The following ROBO2 variants were observed in gnomAD, a reference collection of about 807,000 sequenced individuals.
ROBO2 encodes roundabout homolog 2.
ROBO2 carries 53 observed loss-of-function variants against 160.8 expected under a neutral mutation model. That is an observed-to-expected ratio of 0.33 (90% CI 0.26 to 0.41). The LOEUF (loss-of-function observed/expected upper bound fraction) is 0.41, where lower values mean the gene tolerates loss of function less well. Ranked by LOEUF, ROBO2 falls within the 10% of genes least tolerant of loss-of-function variation. The pLI is 1.00. For synonymous variants in ROBO2, 664 were observed against 611.7 expected, an observed-to-expected ratio of 1.09 and a Z score of -1.26; for missense variants, 1,577 against 1,722.4, an observed-to-expected ratio of 0.92 and a Z score of 1.49.
At chr3:77,175,471 C>T (rs1308999182) in intron 2 of ROBO2, among the ~76,000 whole-genome samples, 7 of 151,866 alleles carry the variant, frequency 4.6e-5, no homozygotes, top group East Asian at 1.9e-4. Flanking sequence ...AATTGGCACA[C>T]GATGAGGAAT....
At chr3:76,376,628 T>C (rs151008764) in intron 2 of ROBO2, among the ~76,000 whole-genome samples, 3 of 151,308 alleles carry the variant, frequency 2.0e-5, no homozygotes, top group African/African-American at 7.4e-5. Context: ...GCAATGGCTT[T>C]TGTGAAAAGA....
At chr3:77,359,416 G>C (rs185901489) in intron 2 of ROBO2, among the ~76,000 whole-genome samples, 3 of 152,306 alleles carry the variant, frequency 2.0e-5, no homozygotes, top group Admixed American at 2.0e-4. Flanking sequence ...GTATGTGTCT[G>C]TCCTTTTAGG....
intron 2 of ROBO2, among the ~76,000 whole-genome samples, chr3:77,157,653 T>G (rs2078132395): frequency 6.6e-6 from 1 of 152,100 alleles, no homozygotes. Context: ...TTTGGTATGC[T>G]GACCATAAAT....
At chr3:76,860,733 T>TAG (rs2148612748) in intron 2 of ROBO2, among the ~76,000 whole-genome samples, 1 of 152,056 alleles carries the variant, frequency 6.6e-6, no homozygotes, top group East Asian at 1.9e-4. Context: ...TTACTATATA[T>TAG]AATCATACTT....
chr3:77,255,308 G>T (rs2090802986), intron 2 of ROBO2, among the ~76,000 whole-genome samples: 1 of 152,150 alleles, frequency 6.6e-6, no homozygotes, highest in South Asian at 2.1e-4. Context: ...CATAAAATCA[G>T]CATTCTGTAA....
chr3:76,490,206 G>T (rs1435859787), intron 2 of ROBO2, among the ~76,000 whole-genome samples: 1 of 152,086 alleles, frequency 6.6e-6, no homozygotes, highest in African/African-American at 2.4e-5. Flanking sequence ...CTAAAGGATG[G>T]ATCCCCATCA....
At chr3:76,276,610 A>G (rs899296897) in intron 2 of ROBO2, among the ~76,000 whole-genome samples, 1 of 152,044 alleles carries the variant, frequency 6.6e-6, no homozygotes, top group Non-Finnish European at 1.5e-5. Flanking sequence ...TATCATTTCT[A>G]TAATCTATTT....
intron 2 of ROBO2, chr3:76,311,425 A>G (rs925949048): frequency 6.6e-6 from 1 of 152,204 alleles, no homozygotes; most frequent in Non-Finnish European, 1.5e-5. Flanking sequence ...GGGGTAAGTG[A>G]TGAAAGTTTC....
chr3:76,216,456 T>C (rs1269659680), intron 2 of ROBO2, among the ~76,000 whole-genome samples: 1 of 152,082 alleles, frequency 6.6e-6, no homozygotes, highest in African/African-American at 2.4e-5. Flanking sequence ...AATAAAGGGA[T>C]GGAGGAAGAT....
intron 2 of ROBO2, among the ~76,000 whole-genome samples, chr3:76,941,660 T>C (rs921507970): frequency 2.6e-5 from 4 of 152,202 alleles, no homozygotes; most frequent in Non-Finnish European, 5.9e-5. Context: ...GTGTAGTAGA[T>C]ACAATAATGC....
intron 2 of ROBO2, among the ~76,000 whole-genome samples, chr3:77,103,224 G>A (rs960080331): frequency 1.3e-5 from 2 of 151,818 alleles, no homozygotes; most frequent in African/African-American, 2.4e-5. Context: ...TATCGACCAG[G>A]GTAAGAGGGG....
intron 2 of ROBO2, among the ~76,000 whole-genome samples, chr3:76,089,177 A>G (rs1262059052): frequency 6.6e-6 from 1 of 152,090 alleles, no homozygotes; most frequent in Non-Finnish European, 1.5e-5. Context: ...CATTAAGGAA[A>G]TTGACTTAAT....
intron 2 of ROBO2, among the ~76,000 whole-genome samples, chr3:77,424,932 C>T (rs1027695049): frequency 6.6e-6 from 1 of 152,048 alleles, no homozygotes; most frequent in South Asian, 2.1e-4. Context: ...CTCTAAAATC[C>T]TCCTTAGAAA....
intron 2 of ROBO2, among the ~76,000 whole-genome samples, chr3:76,329,552 T>C (rs1320273294): frequency 6.6e-6 from 1 of 152,180 alleles, no homozygotes; most frequent in East Asian, 1.9e-4. Flanking sequence ...ATACTTAGAA[T>C]TTCCTTCCGC....
chr3:76,691,075 A>G (rs2092791570), intron 2 of ROBO2, among the ~76,000 whole-genome samples: 1 of 152,038 alleles, frequency 6.6e-6, no homozygotes, highest in Admixed American at 6.6e-5. Flanking sequence ...ACAATAATTA[A>G]CCAAGAATTT....
At position 76,819,898 on chromosome 3, in the gene ROBO2, A is replaced by T. The variant is rs903284191; in HGVS notation, c.110-278116A>T. 2.0e-5 allele frequency among the ~76,000 whole-genome samples: 3 copies of T among 152,038 alleles called. 1 individual carries two copies. Among genetic ancestry groups the T allele is most frequent in the South Asian group, 4.1e-4 (2 of 4,832 alleles). On this transcript the variant is annotated intron_variant, in intron 2 of 26. Transcript: ENST00000487694. Reference sequence around the variant, plus strand: ...GTGAGTCTATGTTGGGAGAATGAGGATAAATACTGGTTTGGGTTCAATAGA... The same window carrying T: ...GTGAGTCTATGTTGGGAGAATGAGGTTAAATACTGGTTTGGGTTCAATAGA...
chr3:76,755,434 A>G (rs1203468632), intron 2 of ROBO2, among the ~76,000 whole-genome samples: 1 of 151,864 alleles, frequency 6.6e-6, no homozygotes, highest in Non-Finnish European at 1.5e-5. Context: ...TCCAAATTGT[A>G]TCCTGGGAAA....
intron 2 of ROBO2, among the ~76,000 whole-genome samples, chr3:76,933,457 A>G (rs946665934): frequency 6.6e-6 from 1 of 152,238 alleles, no homozygotes; most frequent in Non-Finnish European, 1.5e-5. Context: ...CAGTTGTTCT[A>G]ATGATGACTA....
At chr3:76,018,181 T>G (rs764783915) in intron 2 of ROBO2, among the ~76,000 whole-genome samples, 1 of 151,998 alleles carries the variant, frequency 6.6e-6, no homozygotes, top group Non-Finnish European at 1.5e-5. Context: ...TATCTCTAGA[T>G]ATACATAGAT....
Sources: gnomAD v4.1 joint callset for allele counts (sites outside exome capture counted in the v4.1 genomes callset) on GRCh38, gnomAD v4.1.1 for gene constraint, MANE v1.5 for transcripts, NCBI Gene and HGNC (gene_info 2026-07-23, HGNC 2026-07-21) for gene names.